Variants in DERL1 observed in about 807,000 individuals in gnomAD.
DERL1 encodes the protein derlin 1.
DERL1 carries 24 observed loss-of-function variants against 41.6 expected under a neutral mutation model. The ratio of observed to expected loss-of-function variants is 0.58; its 90% CI spans 0.42 to 0.81. The LOEUF (loss-of-function observed/expected upper bound fraction) is 0.81. Ranked by LOEUF, DERL1 falls within the 30% of genes least tolerant of loss-of-function variation. The pLI is 0.00. For synonymous variants in DERL1, 124 were observed against 112.5 expected (o/e 1.10, Z -0.65); for missense variants, 260 against 314.3 (o/e 0.83, Z 1.31).
At position 123,042,153 on chromosome 8, in the gene DERL1, G is replaced by T; in HGVS notation, c.-31C>A. ...ACCCACAGGTAGCCAAGATGCACAA[G>T]ACCGCCCGACTCCCCGTGCCGACCC... On this transcript the variant is annotated 5_prime_UTR_variant, in exon 1 of 8. Transcript: ENST00000259512. 1 of 1,568,608 alleles carries T rather than the reference G, an allele frequency of 6.4e-7. No homozygotes were observed. The highest frequency in any genetic ancestry group is 1.1e-5 in the South Asian group (1 of 86,962).
At chr8:123,041,815 C>T (rs1160167271) in intron 1 of DERL1, among the ~76,000 whole-genome samples, 155 bp downstream of exon 1, 4 of 152,212 alleles carry the variant, frequency 2.6e-5, no homozygotes, top group Admixed American at 6.5e-5. Flanking sequence ...CCCAGAGCCT[C>T]CCCGGGCCCA....
In DERL1 at chr8:123,023,756, A is replaced by T; in HGVS notation, c.331-17T>A. On this transcript the variant is annotated splice_polypyrimidine_tract_variant and intron_variant, in intron 3 of 7. Transcript: ENST00000259512. Reference sequence around the variant, plus strand: ...GCCAGTAATCTTGGTTTGTAAAGTTAAAGATCAGACATAAAAAAGCATTCT... The same window carrying T: ...GCCAGTAATCTTGGTTTGTAAAGTTTAAGATCAGACATAAAAAAGCATTCT... The T allele has an allele frequency of 6.2e-7, 1 of 1,610,928 alleles. No homozygotes were observed. Among genetic ancestry groups the T allele is most frequent in the Non-Finnish European group, 8.5e-7 (1 of 1,178,624 alleles).
chr8:123,032,055 T>C (rs940222744), intron 1 of DERL1, among the ~76,000 whole-genome samples: 48 of 152,212 alleles, frequency 3.2e-4, no homozygotes, highest in Non-Finnish European at 5.6e-4. Context: ...AATTTTTATT[T>C]GCATTATGAG....
chr8:123,023,661 G>A, intron 4 of DERL1, 52 bp downstream of exon 4: 9 of 1,573,358 alleles, frequency 5.7e-6, no homozygotes, highest in Non-Finnish European at 7.8e-6. Context: ...GCCACTAATA[G>A]TATATTTGAA....
At chr8:123,015,701 T>C (rs1333600675) in intron 7 of DERL1, 116 bp from the exon 8 acceptor site, 4 of 1,330,938 alleles carry the variant, frequency 3.0e-6, no homozygotes, top group Non-Finnish European at 4.0e-6. Flanking sequence ...ACTTGTCATG[T>C]TGAAGGCAGC....
intron 2 of DERL1, among the ~76,000 whole-genome samples, chr8:123,028,955 C>G (rs1011957383): frequency 1.3e-4 from 20 of 151,828 alleles, no homozygotes; most frequent in Non-Finnish European, 2.6e-4. Flanking sequence ...ATCCTTGTAG[C>G]TACTAGGGAG....
chr8:123,034,573 G>A (rs1812884180), intron 1 of DERL1, among the ~76,000 whole-genome samples: 1 of 152,220 alleles, frequency 6.6e-6, no homozygotes, highest in Admixed American at 6.5e-5. Context: ...GTATCAGCCA[G>A]TAAGTGGTGA....
intron 2 of DERL1, among the ~76,000 whole-genome samples, chr8:123,029,702 T>C (rs572704851): frequency 3.9e-5 from 6 of 152,310 alleles, no homozygotes; most frequent in Middle Eastern, 3.4e-3. Context: ...TAAGGTATTG[T>C]AGGAAATAAA....
At chr8:123,039,135 C>T (rs1231507293) in intron 1 of DERL1, among the ~76,000 whole-genome samples, 1 of 152,188 alleles carries the variant, frequency 6.6e-6, no homozygotes, top group African/African-American at 2.4e-5. Context: ...AGTCTATGCC[C>T]TTTTCTCTAT....
chr8:123,042,000 G>C lies in DERL1; in HGVS notation c.123C>G (p.Leu41=). The C allele has an allele frequency of 6.2e-7, 1 of 1,613,516 alleles. No homozygotes were observed. The highest frequency in any genetic ancestry group is 8.5e-7 in the Non-Finnish European group (1 of 1,179,660). ...AGCGATAAAGGAAGGCTTCGGGCCAGAGGAAGAGGTAGGCCGGGCTGATGA... is the reference window on the plus strand; with the variant it reads ...AGCGATAAAGGAAGGCTTCGGGCCACAGGAAGAGGTAGGCCGGGCTGATGA... ...LGLISPAYLF[L]WPEAFLYRFQ... is the part of the protein sequence containing the mutation. The change falls in exon 1 of 8, where the codon CTC becomes CTG. Residue 41 remains leucine (L), a synonymous_variant. Transcript: ENST00000259512.
At chr8:123,035,189 T>G (rs1022135476) in intron 1 of DERL1, among the ~76,000 whole-genome samples, 3 of 152,228 alleles carry the variant, frequency 2.0e-5, no homozygotes, top group African/African-American at 7.2e-5. Flanking sequence ...TCTTTGGAAA[T>G]CAGTGTCTGT....
intron 1 of DERL1, among the ~76,000 whole-genome samples, chr8:123,037,173 T>G (rs145734762): frequency 6.6e-6 from 1 of 152,266 alleles, no homozygotes; most frequent in East Asian, 1.9e-4. Flanking sequence ...ACCAACCACG[T>G]AGGAGGCAAC....
chr8:123,034,506 C>A (rs776824656), intron 1 of DERL1, among the ~76,000 whole-genome samples: 2 of 152,088 alleles, frequency 1.3e-5, no homozygotes, highest in Non-Finnish European at 1.5e-5. Flanking sequence ...CTTATTTACA[C>A]GCACTGATTC....
chr8:123,022,607 A>G, intron 5 of DERL1, 77 bp downstream of exon 5: 1 of 1,429,788 alleles, frequency 7.0e-7, no homozygotes, highest in Non-Finnish European at 9.9e-7. Context: ...TGGATGAGTC[A>G]GAAAGTACAT....
chr8:123,034,572 A>T (rs79119054), intron 1 of DERL1, among the ~76,000 whole-genome samples: 6 of 152,230 alleles, frequency 3.9e-5, no homozygotes, highest in Non-Finnish European at 8.8e-5. Flanking sequence ...AGTATCAGCC[A>T]GTAAGTGGTG....
At chr8:123,034,044 G>A (rs1298798915) in intron 1 of DERL1, among the ~76,000 whole-genome samples, 1 of 152,194 alleles carries the variant, frequency 6.6e-6, no homozygotes, top group East Asian at 1.9e-4. Context: ...AGAAAGGGTT[G>A]GCACAAGGGA....
intron 1 of DERL1, among the ~76,000 whole-genome samples, chr8:123,031,480 G>A (rs977202890): frequency 5.3e-5 from 8 of 152,158 alleles, no homozygotes; most frequent in African/African-American, 1.7e-4. Flanking sequence ...AGGAGGCGGA[G>A]GTTGCAGTAA....
intron 1 of DERL1, among the ~76,000 whole-genome samples, chr8:123,035,578 G>C (rs770317830): frequency 6.6e-6 from 1 of 152,192 alleles, no homozygotes; most frequent in East Asian, 1.9e-4. Flanking sequence ...GAGAGGACTC[G>C]TGGGGGAGTA....
chr8:123,039,446 T>C (rs1812998157), intron 1 of DERL1, among the ~76,000 whole-genome samples: 1 of 152,224 alleles, frequency 6.6e-6, no homozygotes. Flanking sequence ...CTCCCTGCTG[T>C]CATCTACTAA....
Sources: gnomAD v4.1 joint callset for allele counts (sites outside exome capture counted in the v4.1 genomes callset) on GRCh38, gnomAD v4.1.1 for gene constraint, MANE v1.5 for transcripts, NCBI Gene and HGNC (gene_info 2026-07-23, HGNC 2026-07-21) for gene names.